Variants in ENKUR observed in about 807,000 individuals in gnomAD.
ENKUR encodes enkurin.
ENKUR carries 19 observed loss-of-function variants against 27.6 expected under a neutral mutation model. The ratio of observed to expected loss-of-function variants is 0.69; its 90% CI spans 0.48 to 1.01. ENKUR has a LOEUF of 1.01. Ranked by LOEUF, ENKUR falls within the 50% of genes least tolerant of loss-of-function variation. The probability of loss-of-function intolerance (pLI) is 0.00; values close to 1 mark genes in which losing one functional copy is unlikely to be tolerated. For missense variants in ENKUR, 312 were observed against 310.5 expected, an observed-to-expected ratio of 1.00 and a Z score of -0.04; for synonymous variants, 117 against 96.9, an observed-to-expected ratio of 1.21 and a Z score of -1.22.
Position 24,999,141 on chromosome 10 carries a change from T to G in ENKUR, c.223+260A>C, listed in dbSNP as rs558853381. On this transcript the variant is annotated intron_variant, in intron 2 of 5. Transcript: ENST00000331161. ...TTGTTTATAATTGAAGCCCCACAGC[T>G]AGGGACTAAGATGGTGATGCATGTG... Among the ~76,000 whole-genome samples, 3 of 152,324 alleles carry G rather than the reference T, an allele frequency of 2.0e-5. No homozygotes were observed. The East Asian group carries it at 5.8e-4, about 29-fold the overall frequency.
intron 2 of ENKUR, among the ~76,000 whole-genome samples, chr10:25,047,509 C>T (rs1400072625): frequency 6.6e-6 from 1 of 152,162 alleles, no homozygotes; most frequent in East Asian, 1.9e-4. Context: ...TCTGTCCTTT[C>T]AGAAAAGTAT....
chr10:24,989,080 G>A lies in ENKUR; in HGVS notation c.594+1383C>T, dbSNP rs553745170. Among the ~76,000 whole-genome samples the A allele has an allele frequency of 2.0e-5, 3 of 152,190 alleles. No homozygotes were observed. In the East Asian group the frequency reaches 5.8e-4, roughly 29 times the overall value. ...AAAAAGACACAGAAGGGAAGGACCT[G>A]TCACTTCTAAGTTCTTTGTCATATT... On this transcript the variant is annotated intron_variant, in intron 4 of 5. Transcript: ENST00000331161.
At chr10:25,053,330 G>A (rs1403037746) in intron 2 of ENKUR, among the ~76,000 whole-genome samples, 2 of 152,058 alleles carry the variant, frequency 1.3e-5, no homozygotes, top group African/African-American at 4.8e-5. Context: ...CTTAGCAAAT[G>A]AAGTATATAA....
intron 2 of ENKUR, chr10:25,022,020 T>A (rs1850728581): frequency 2.0e-5 from 3 of 152,188 alleles, no homozygotes; most frequent in Admixed American, 2.0e-4. Context: ...AGAACATATT[T>A]TAACATATGA....
chr10:25,014,045 A>C (rs1290428413), intron 1 of ENKUR, among the ~76,000 whole-genome samples: 1 of 152,180 alleles, frequency 6.6e-6, no homozygotes, highest in Non-Finnish European at 1.5e-5. Flanking sequence ...CTGAATCATG[A>C]CTTCCCATTG....
upstream of ENKUR, among the ~76,000 whole-genome samples, chr10:25,016,408 G>A (rs1011008583): frequency 2.0e-5 from 3 of 152,244 alleles, no homozygotes; most frequent in Admixed American, 6.5e-5. Context: ...CGCAGCTGGT[G>A]CGCAGGCGTC....
intron 4 of ENKUR, among the ~76,000 whole-genome samples, chr10:24,989,701 T>A (rs2132673405): frequency 6.6e-6 from 1 of 152,372 alleles, no homozygotes; most frequent in East Asian, 1.9e-4. Flanking sequence ...TAACAGCATA[T>A]GAATCCATTT....
intron 2 of ENKUR, chr10:25,026,483 A>G (rs746597463): frequency 1.4e-4 from 23 of 167,106 alleles, no homozygotes; most frequent in Non-Finnish European, 3.1e-4. Flanking sequence ...TTTGGAGTCA[A>G]TTCTTACGTA....
intron 2 of ENKUR, among the ~76,000 whole-genome samples, chr10:25,056,431 T>C (rs1231325207): frequency 1.3e-5 from 2 of 152,230 alleles, no homozygotes; most frequent in Non-Finnish European, 2.9e-5. Context: ...GACGCATTCA[T>C]ATTTTGGGAA....
intron 2 of ENKUR, among the ~76,000 whole-genome samples, chr10:24,996,375 T>A (rs187891763): frequency 6.6e-6 from 1 of 152,134 alleles, no homozygotes; most frequent in Non-Finnish European, 1.5e-5. Context: ...TGAACCGAGA[T>A]CATGCCATTG....
chr10:25,001,537 A>G (rs1054291187), intron 1 of ENKUR, among the ~76,000 whole-genome samples: 4 of 151,556 alleles, frequency 2.6e-5, no homozygotes, highest in Non-Finnish European at 5.9e-5. Context: ...AGCCTCATTG[A>G]TTCTCTGCTT....
Position 25,010,588 on chromosome 10 carries a change from TC to T in ENKUR, c.77+5271del, listed in dbSNP as rs1482287192. ...TAGGTATATCTCCTAATGCTATCCC[TC>T]CCCCCTACCCCCACCCCACAACAGT... is the stretch of plus-strand genomic sequence containing the variant. On this transcript the variant is annotated intron_variant, in intron 1 of 5. Transcript: ENST00000331161. Among the ~76,000 whole-genome samples, 4 of 149,960 alleles carry T rather than the reference TC, an allele frequency of 2.7e-5. No homozygotes were observed. In the East Asian group the frequency reaches 6.0e-4, roughly 23 times the overall value.
chr10:24,997,282 C>T (rs946331874), intron 2 of ENKUR, among the ~76,000 whole-genome samples: 1 of 151,894 alleles, frequency 6.6e-6, no homozygotes, highest in Non-Finnish European at 1.5e-5. Flanking sequence ...AACTAATCCT[C>T]TGACATCTTG....
chr10:25,056,371 T>C (rs564913724), intron 2 of ENKUR, among the ~76,000 whole-genome samples: 1 of 152,326 alleles, frequency 6.6e-6, no homozygotes, highest in East Asian at 1.9e-4. Flanking sequence ...AGGTCAGTCA[T>C]GCAAATTTCT....
At chr10:25,002,472 C>A (rs1337390188) in intron 1 of ENKUR, among the ~76,000 whole-genome samples, 2 of 152,190 alleles carry the variant, frequency 1.3e-5, no homozygotes, top group Admixed American at 6.6e-5. Context: ...CCTGGAATTT[C>A]TCTCCAGAGA....
At position 25,009,814 on chromosome 10, in the gene ENKUR, G is replaced by A. The variant is rs187481361; in HGVS notation, c.77+6046C>T. On this transcript the variant is annotated intron_variant, in intron 1 of 5. Transcript: ENST00000331161. ...GAGGCGTTCCCCTGCACACACTCTC[G>A]TTTCCCACTATGTAAGATGTGACTT... Among the ~76,000 whole-genome samples the A allele has an allele frequency of 1.1e-4, 17 of 149,948 alleles. No individual in the cohort carries two copies. The East Asian group carries it at 2.1e-3, about 19-fold the overall frequency.
rs140559534 is a variant in ENKUR at position 25,010,053 on chromosome 10, G to A, written c.77+5807C>T. 4.7e-3 allele frequency among the ~76,000 whole-genome samples: 711 copies of A among 152,298 alleles called. 27 individuals are homozygous for A. The highest frequency in any genetic ancestry group is 2.7e-3 in the East Asian group (14 of 5,192). On this transcript the variant is annotated intron_variant, in intron 1 of 5. Transcript: ENST00000331161. ...AAGCGACTTTGGAACTGGGTAACAG[G>A]CAGAGGTTGGAACAGTTTGGAGGGC... is the stretch of plus-strand genomic sequence containing the variant.
chr10:25,018,659 GTTTT>G (rs374289213), upstream of ENKUR, among the ~76,000 whole-genome samples: 11 of 93,738 alleles, frequency 1.2e-4, no homozygotes, highest in African/African-American at 1.0e-4. Context: ...AATGAGAGTT[GTTTT>G]TTTTTTTTTT....
At chr10:25,025,571 G>A (rs1388701791) in intron 2 of ENKUR, 2 of 1,034,854 alleles carry the variant, frequency 1.9e-6, no homozygotes, top group African/African-American at 1.6e-5. Flanking sequence ...ATATCTGTTT[G>A]GAATTTCAAA....
Sources: gnomAD v4.1 joint callset for allele counts (sites outside exome capture counted in the v4.1 genomes callset) on GRCh38, gnomAD v4.1.1 for gene constraint, MANE v1.5 for transcripts, NCBI Gene and HGNC (gene_info 2026-07-23, HGNC 2026-07-21) for gene names.